TRIM55: variants seen among roughly 807,000 people sequenced by gnomAD.
The protein encoded by TRIM55 is tripartite motif-containing protein 55.
A neutral mutation model predicts 60.9 loss-of-function variants in TRIM55; 50 were observed. The ratio of observed to expected loss-of-function variants is 0.82; its 90% CI spans 0.65 to 1.04. TRIM55 has a LOEUF of 1.04. Ranked by LOEUF, TRIM55 falls within the 50% of genes least tolerant of loss-of-function variation. The pLI, the probability that TRIM55 is intolerant of heterozygous loss-of-function variation, is 0.00. For missense variants in TRIM55, 681 were observed against 666.9 expected (o/e 1.02, Z -0.23); for synonymous variants, 237 against 238.1 (o/e 1.00, Z 0.04).
chr8:66,115,972 C>T, the TRIM55 span, among the ~76,000 whole-genome samples: 1 of 152,144 alleles, frequency 6.6e-6, no homozygotes, highest in Non-Finnish European at 1.5e-5. Flanking sequence ...TGTAGAGATT[C>T]GGACACATTT....
In TRIM55 at chr8:66,150,363, A is replaced by C. The variant is rs752867686; in HGVS notation, c.882A>C (p.Ala294=). 3.1e-6 allele frequency: 5 copies of C among 1,614,106 alleles called. No homozygotes were observed. The East Asian group carries it at 1.1e-4, about 36-fold the overall frequency. The change falls in exon 7 of 10, where the codon GCA becomes GCC. Residue 294 remains alanine, a synonymous_variant. Coordinates refer to ENST00000315962, the MANE Select transcript of TRIM55 (RefSeq NM_184085.2). ...LLKKISEASK[A]FQMEKIEHGY... is the part of the protein sequence containing the mutation. ...GCAGAATCTCGGAAGCATCAAAGGC[A>C]TTTCAGATGGAGAAAATAGAACATG...
intron 9 of TRIM55, among the ~76,000 whole-genome samples, chr8:66,157,202 G>A (rs1421970377): frequency 6.6e-6 from 1 of 152,186 alleles, no homozygotes; most frequent in African/African-American, 2.4e-5. Context: ...TGCCTGCCTA[G>A]GGAGAGGAGG....
chr8:66,134,813 G>A (rs1259484408), intron 2 of TRIM55, among the ~76,000 whole-genome samples, 177 bp from the exon 3 acceptor site: 2 of 152,118 alleles, frequency 1.3e-5, no homozygotes, highest in African/African-American at 4.8e-5. Context: ...CACCTGCAGG[G>A]AAGCTGAATT....
intron 4 of TRIM55, among the ~76,000 whole-genome samples, chr8:66,139,711 A>T (rs1023217999): frequency 1.3e-5 from 2 of 152,162 alleles, no homozygotes; most frequent in Non-Finnish European, 2.9e-5. Context: ...TCCCTGCAGG[A>T]CTTTATGATG....
At chr8:66,124,114 A>T (rs1327624388), upstream of TRIM55, among the ~76,000 whole-genome samples, 5 of 152,268 alleles carry the variant, frequency 3.3e-5, no homozygotes. Flanking sequence ...CTACTTTCAT[A>T]GCAGCCCCAG....
chr8:66,158,811 C>T lies in TRIM55; in HGVS notation c.1524+4477C>T, dbSNP rs145748174. Among the ~76,000 whole-genome samples, 3 of 152,274 alleles carry T rather than the reference C, an allele frequency of 2.0e-5. No homozygotes were observed. The East Asian group carries it at 5.8e-4, about 29-fold the overall frequency. On this transcript the variant is annotated intron_variant, in intron 9 of 9. Coordinates refer to ENST00000315962, the MANE Select transcript of TRIM55 (RefSeq NM_184085.2). ...AATCCCAATTTCCCAAACCATTTTC[C>T]AGATTTCTCCCTAGGCACTCATTTA...
chr8:66,160,887 ATTTG>A (rs1295375379), intron 9 of TRIM55, among the ~76,000 whole-genome samples: 3 of 129,288 alleles, frequency 2.3e-5, no homozygotes, highest in African/African-American at 9.0e-5. Context: ...TTTCTTGCTG[ATTTG>A]TTTGAGTTCC....
chr8:66,150,008 T>C, intron 5 of TRIM55, 130 bp downstream of exon 5: 1 of 892,202 alleles, frequency 1.1e-6, no homozygotes, highest in Middle Eastern at 2.4e-4. Flanking sequence ...AAACCCCATG[T>C]GCTTATATAT....
intron 4 of TRIM55, among the ~76,000 whole-genome samples, chr8:66,140,144 C>T (rs1382738793): frequency 6.6e-6 from 1 of 152,200 alleles, no homozygotes; most frequent in Non-Finnish European, 1.5e-5. Flanking sequence ...TAAGTACATT[C>T]TGTGATGCTC....
intron 9 of TRIM55, among the ~76,000 whole-genome samples, chr8:66,170,176 C>A (rs1394466848): frequency 6.6e-6 from 1 of 152,104 alleles, no homozygotes; most frequent in Non-Finnish European, 1.5e-5. Flanking sequence ...TATTGTGCAA[C>A]CAATTGCTAG....
Position 66,174,751 on chromosome 8 carries a change from A to G in TRIM55, c.*158A>G. ...AACTGCAATTCCATATGACTTATCTAACATCTTGGGGGGAAAGAATATTTT... is the reference window on the plus strand; with the variant it reads ...AACTGCAATTCCATATGACTTATCTGACATCTTGGGGGGAAAGAATATTTT... On this transcript the variant is annotated 3_prime_UTR_variant, in exon 10 of 10. Coordinates refer to ENST00000315962, the MANE Select transcript of TRIM55 (RefSeq NM_184085.2). The G allele has an allele frequency of 1.6e-6, 1 of 635,596 alleles. No homozygotes were observed. The highest frequency in any genetic ancestry group is 2.4e-6 in the Non-Finnish European group (1 of 420,766). 39.4% of individuals were successfully genotyped at this position (635,596 alleles called of 1,614,324 possible).
chr8:66,152,996 T>A (rs1215656746), intron 8 of TRIM55, among the ~76,000 whole-genome samples: 3 of 151,906 alleles, frequency 2.0e-5, no homozygotes, highest in Non-Finnish European at 2.9e-5. Context: ...TCATGGGGAC[T>A]GGGTCTGCTC....
In TRIM55 at chr8:66,135,049, T is replaced by C. The variant is rs2128974598; in HGVS notation, c.401T>C (p.Ile134Thr). Residue 134 changes from isoleucine to threonine, a missense_variant, in exon 3 of 10, where the codon ATC (isoleucine) becomes ACC (threonine). Ile to Thr is a moderately conservative substitution (Grantham distance 89). Coordinates refer to ENST00000315962, the MANE Select transcript of TRIM55 (RefSeq NM_184085.2). ...GAACATGAAGAGGAGCGCATCAACATCTACTGTCTGAACTGCGAAGTACCC... is the reference window on the plus strand; with the variant it reads ...GAACATGAAGAGGAGCGCATCAACACCTACTGTCTGAACTGCGAAGTACCC... ...CEEHEEERIN[I>T]YCLNCEVPTC... is the part of the protein sequence containing the mutation. 1 of 1,614,154 alleles carries C rather than the reference T, an allele frequency of 6.2e-7. No individual in the cohort carries two copies. Among genetic ancestry groups the C allele is most frequent in the East Asian group, 2.2e-5 (1 of 44,874 alleles).
At chr8:66,127,123 C>T (rs1260467333), upstream of TRIM55, 3 of 904,310 alleles carry the variant, frequency 3.3e-6, no homozygotes, top group Non-Finnish European at 4.9e-6. Context: ...GCACCCACTC[C>T]AAACCAGGGC....
At chr8:66,124,865 A>G (rs11986805), upstream of TRIM55, among the ~76,000 whole-genome samples, 39,778 of 152,168 alleles carry the variant, frequency 0.26, 8,784 homozygotes, top group African/African-American at 0.6. Flanking sequence ...CTTCACAGGC[A>G]TGGTACGAAG....
intron 2 of TRIM55, among the ~76,000 whole-genome samples, chr8:66,132,010 A>G (rs139417803): frequency 2.0e-5 from 3 of 152,370 alleles, no homozygotes; most frequent in Middle Eastern, 3.4e-3. Flanking sequence ...ATAAATAAAT[A>G]CATGCTTGTG....
At chr8:66,125,289 A>G (rs913308847), upstream of TRIM55, among the ~76,000 whole-genome samples, 3 of 152,152 alleles carry the variant, frequency 2.0e-5, no homozygotes, top group Non-Finnish European at 4.4e-5. Flanking sequence ...ATTTTGTACT[A>G]TGTTCTGTGT....
intron 9 of TRIM55, among the ~76,000 whole-genome samples, chr8:66,170,269 C>A (rs1811549511): frequency 6.6e-6 from 1 of 152,170 alleles, no homozygotes; most frequent in African/African-American, 2.4e-5. Flanking sequence ...CCCTGGTAAC[C>A]ATCATCCTAG....
chr8:66,164,704 C>T (rs1257435917), intron 9 of TRIM55, among the ~76,000 whole-genome samples: 1 of 152,194 alleles, frequency 6.6e-6, no homozygotes, highest in Non-Finnish European at 1.5e-5. Context: ...TCTCAAATAG[C>T]AGCGATGCAG....
Sources: allele counts gnomAD v4.1 joint callset (sites outside exome capture counted in the v4.1 genomes callset), GRCh38; gene constraint gnomAD v4.1.1; transcripts MANE v1.5; gene names NCBI Gene and HGNC (gene_info 2026-07-23, HGNC 2026-07-21).